HOXD11: variants seen among roughly 807,000 people sequenced by gnomAD.
HOXD11 encodes homeobox protein Hox-D11.
A neutral mutation model predicts 23.1 loss-of-function variants in HOXD11; 16 were observed. That is an observed-to-expected ratio of 0.69 (90% CI 0.47 to 1.05). HOXD11 has a LOEUF of 1.05. Ranked by LOEUF, HOXD11 falls within the 50% of genes least tolerant of loss-of-function variation. The pLI is 0.00. For synonymous variants in HOXD11, 262 were observed against 224.4 expected (o/e 1.17, Z -1.50); for missense variants, 564 against 495.6 (o/e 1.14, Z -1.31).
downstream of HOXD11, among the ~76,000 whole-genome samples, chr2:176,112,558 G>C (rs2105390869): frequency 6.6e-6 from 1 of 152,328 alleles, no homozygotes; most frequent in Non-Finnish European, 1.5e-5. Flanking sequence ...TGAGCCCCCC[G>C]GCGAGGCTCC....
At chr2:176,108,696 T>TGTGTGTGTGTGTGTGTCC (rs960078937) in intron 1 of HOXD11, 2 of 579,012 alleles carry the variant, frequency 3.5e-6, no homozygotes, top group African/African-American at 3.8e-5. Flanking sequence ...TGTGTGTGTG[T>TGTGTGTGTGTGTGTGTCC]GTCCGGGCGT....
chr2:176,114,602 G>A (rs1689722426), downstream of HOXD11, among the ~76,000 whole-genome samples: 1 of 152,036 alleles, frequency 6.6e-6, no homozygotes, highest in South Asian at 2.1e-4. Flanking sequence ...TCCCAAGGCC[G>A]AAAATAATGT....
downstream of HOXD11, among the ~76,000 whole-genome samples, chr2:176,112,468 T>C (rs539089217): frequency 9.8e-5 from 15 of 152,378 alleles, no homozygotes; most frequent in South Asian, 1.4e-3. Context: ...CTCCAAGCCC[T>C]GGACCAAAGG....
At position 176,107,756 on chromosome 2, in the gene HOXD11, G is replaced by A; in HGVS notation, c.401G>A (p.Gly134Asp). 1.6e-6 allele frequency: 2 copies of A among 1,213,466 alleles called. No homozygotes were observed. The highest frequency in any genetic ancestry group is 2.0e-6 in the Non-Finnish European group (2 of 979,598). 75.2% of individuals were successfully genotyped at this position (1,213,466 alleles called of 1,614,324 possible). ...CAACGCGAGCTTCTCCCGCCCGCGG[G>A]CCGCCGGCCGGACGTGCTCTTCAAG... ...AMQRELLPPAGRRPDVLFKAP... is the reference protein window; with the variant it reads ...AMQRELLPPADRRPDVLFKAP... Residue 134 changes from glycine to aspartate, a missense_variant, in exon 1 of 2, where the codon GGC becomes GAC. Transcript: ENST00000249504.
chr2:176,108,260 C>A, intron 1 of HOXD11, 124 bp downstream of exon 1: 1 of 645,506 alleles, frequency 1.5e-6, no homozygotes, highest in South Asian at 3.7e-5. Flanking sequence ...GAGGTTTATA[C>A]ATCCTATAAG....
the HOXD11 span, among the ~76,000 whole-genome samples, chr2:176,114,922 T>G: frequency 6.6e-6 from 1 of 152,204 alleles, no homozygotes; most frequent in Non-Finnish European, 1.5e-5. Context: ...ACCGCTTTAG[T>G]TTCTTGGCTG....
chr2:176,110,198 C>A (rs976028530), downstream of HOXD11, among the ~76,000 whole-genome samples: 5 of 152,194 alleles, frequency 3.3e-5, no homozygotes, highest in African/African-American at 1.2e-4. Flanking sequence ...GAGCTGCAGA[C>A]CCTCTCACGG....
At chr2:176,113,286 G>C (rs1179128502), downstream of HOXD11, among the ~76,000 whole-genome samples, 1 of 152,180 alleles carries the variant, frequency 6.6e-6, no homozygotes, top group African/African-American at 2.4e-5. Flanking sequence ...TCAGGCCCAG[G>C]GCTTCAACTT....
chr2:176,107,857 G>T lies in HOXD11; in HGVS notation c.502G>T (p.Val168Leu). 1 of 1,450,838 alleles carries T rather than the reference G, an allele frequency of 6.9e-7. No homozygotes were observed. Among genetic ancestry groups the T allele is most frequent in the South Asian group, 1.3e-5 (1 of 74,958 alleles). The allele number at this position is 1,450,838 out of a possible 1,614,324, so 89.9% of individuals were successfully genotyped here. A position where few individuals can be genotyped will look rare whatever the true frequency, so the allele number is the denominator to read the frequency against. Residue 168 changes from valine to leucine, a missense_variant, in exon 1 of 2, where the codon GTG (valine) becomes TTG (leucine). Transcript: ENST00000249504. Reference protein sequence around the residue: ...AGAASNFYSAVGRNGILPQGF... With the variant: ...AGAASNFYSALGRNGILPQGF... ...CGCCGCCTCCAACTTCTACAGCGCG[G>T]TGGGCCGCAATGGCATCTTGCCACA...
Position 176,107,691 on chromosome 2 carries a change from G to T in HOXD11, c.336G>T (p.Ala112=), listed in dbSNP as rs2105387312. 2.0e-6 allele frequency: 2 copies of T among 1,003,460 alleles called. No individual in the cohort carries two copies. Among genetic ancestry groups the T allele is most frequent in the Admixed American group, 6.1e-5 (1 of 16,500 alleles). 62.2% of individuals were successfully genotyped at this position (1,003,460 alleles called of 1,614,324 possible). ...GYAPYYAAAA[A]AAAAAAAAEE... ...CTCCCTACTACGCGGCGGCGGCGGCGGCGGCTGCGGCGGCCGCGGCGGCCG... is the reference window on the plus strand; with the variant it reads ...CTCCCTACTACGCGGCGGCGGCGGCTGCGGCTGCGGCGGCCGCGGCGGCCG... Residue 112 remains alanine, a synonymous_variant, in exon 1 of 2, where the codon GCG becomes GCT. Coordinates refer to ENST00000249504, the MANE Select transcript of HOXD11 (RefSeq NM_021192.3).
chr2:176,114,771 T>C, the HOXD11 span, among the ~76,000 whole-genome samples: 1 of 152,190 alleles, frequency 6.6e-6, no homozygotes, highest in African/African-American at 2.4e-5. Context: ...AATGTTCTAT[T>C]GAGGTGGAAA....
rs1367990309 is a variant in HOXD11, at chr2:176,107,420, A to G, written c.65A>G (p.Tyr22Cys). Residue 22 changes from tyrosine to cysteine, a missense_variant, in exon 1 of 2, where the codon TAT becomes TGT. Coordinates refer to ENST00000249504, the MANE Select transcript of HOXD11 (RefSeq NM_021192.3). ...ATGTACCTGCCGGGCTGCGCCTACT[A>G]TGTGGCCCCGTCTGACTTCGCTAGC... ...ASMYLPGCAYYVAPSDFASKP... is the reference protein window; with the variant it reads ...ASMYLPGCAYCVAPSDFASKP... 1.7e-5 allele frequency: 28 copies of G among 1,613,606 alleles called. No homozygotes were observed. Among genetic ancestry groups the G allele is most frequent in the East Asian group, 2.2e-5 (1 of 44,836 alleles).
chr2:176,110,087 G>T (rs1047732899), downstream of HOXD11, among the ~76,000 whole-genome samples: 1 of 152,174 alleles, frequency 6.6e-6, no homozygotes, highest in Non-Finnish European at 1.5e-5. Flanking sequence ...AGAAGTTTTC[G>T]AAAAGGAAGT....
downstream of HOXD11, among the ~76,000 whole-genome samples, chr2:176,111,850 C>CAAAAAAAAA (rs1689680162): frequency 2.6e-5 from 1 of 38,440 alleles, no homozygotes; most frequent in Non-Finnish European, 4.4e-5. Context: ...AAAAAAAAAA[C>CAAAAAAAAA]CTTCATCGGT....
At position 176,107,345 on chromosome 2, in the gene HOXD11, G is replaced by A. The variant is rs980716861; in HGVS notation, c.-11G>A. The A allele has an allele frequency of 6.4e-7, 1 of 1,568,102 alleles. No individual in the cohort carries two copies. The highest frequency in any genetic ancestry group is 8.6e-7 in the Non-Finnish European group (1 of 1,159,108). On this transcript the variant is annotated 5_prime_UTR_variant, in exon 1 of 2. Transcript: ENST00000249504. ...CGGCCAGAGGCTCGCTGGCGCGCAC[G>A]CCGCGGAGTCATGAACGACTTTGAC...
chr2:176,109,693 T>G lies in HOXD11; in HGVS notation c.*551T>G. On this transcript the variant is annotated 3_prime_UTR_variant, in exon 2 of 2. Coordinates refer to ENST00000249504, the MANE Select transcript of HOXD11 (RefSeq NM_021192.3). ...ATTCTCCTCTTTGAGGTTTAGTGCCTCCTTAGGATATTTTAGTGGCCAGAA... is the reference window on the plus strand; with the variant it reads ...ATTCTCCTCTTTGAGGTTTAGTGCCGCCTTAGGATATTTTAGTGGCCAGAA... The G allele has an allele frequency of 5.1e-6, 1 of 194,546 alleles. No homozygotes were observed. Among genetic ancestry groups the G allele is most frequent in the Non-Finnish European group, 1.1e-5 (1 of 93,624 alleles). 12.1% of individuals were successfully genotyped at this position (194,546 alleles called of 1,614,324 possible). A position where few individuals can be genotyped will look rare whatever the true frequency, so the allele number is the denominator to read the frequency against.
the HOXD11 span, among the ~76,000 whole-genome samples, chr2:176,115,547 C>T: frequency 0.011 from 1,665 of 152,270 alleles, 29 homozygotes; most frequent in African/African-American, 0.038. Context: ...GTGGCAACAG[C>T]GGGCATAACT....
At chr2:176,108,190 G>C in intron 1 of HOXD11, 54 bp downstream of exon 1, 1 of 799,222 alleles carries the variant, frequency 1.3e-6, no homozygotes. Flanking sequence ...GGGGAGGGGG[G>C]GGGGGCGGAG....
chr2:176,109,733 A>T lies in HOXD11; in HGVS notation c.*591A>T, dbSNP rs1689649050. On this transcript the variant is annotated 3_prime_UTR_variant, in exon 2 of 2. Coordinates refer to ENST00000249504, the MANE Select transcript of HOXD11 (RefSeq NM_021192.3). ...AGTGGCCAGAACCCATGCAACTGAAAATCGAATGAAATACTTTTTAGTCCC... is the reference window on the plus strand; with the variant it reads ...AGTGGCCAGAACCCATGCAACTGAATATCGAATGAAATACTTTTTAGTCCC... 1 of 183,952 alleles carries T rather than the reference A, an allele frequency of 5.4e-6. No individual in the cohort carries two copies. The highest frequency in any genetic ancestry group is 2.4e-5 in the African/African-American group (1 of 42,544). The allele number at this position is 183,952 out of a possible 1,614,324, so 11.4% of individuals were successfully genotyped here.
Sources: allele counts gnomAD v4.1 joint callset (sites outside exome capture counted in the v4.1 genomes callset), GRCh38; gene constraint gnomAD v4.1.1; transcripts MANE v1.5; gene names NCBI Gene and HGNC (gene_info 2026-07-23, HGNC 2026-07-21).